The following TPH2 variants were observed in gnomAD, a reference collection of about 807,000 sequenced individuals.
TPH2 encodes the protein tryptophan 5-hydroxylase 2.
Under a neutral mutation model 59.1 loss-of-function variants are expected in TPH2, and 27 were observed. That is an observed-to-expected ratio of 0.46 (90% CI 0.34 to 0.63). The LOEUF is 0.63. Among genes scored for constraint, TPH2 ranks in the 30% least tolerant of loss-of-function variants. The probability of loss-of-function intolerance (pLI) is 0.01; values close to 1 mark genes in which losing one functional copy is unlikely to be tolerated. For synonymous variants in TPH2, 220 were observed against 210.5 expected, an observed-to-expected ratio of 1.05 and a Z score of -0.39; for missense variants, 523 against 588.3, an observed-to-expected ratio of 0.89 and a Z score of 1.15.
In TPH2 at chr12:71,944,276, A is replaced by G. The variant is rs781387649; in HGVS notation, c.256-18A>G. On this transcript the variant is annotated intron_variant, in intron 2 of 10. Transcript: ENST00000333850. ...TATTGTCCCTGAAGGTGATTTTCAGATGCTCGTGTTTCCACAGGAAAAACG... is the reference window on the plus strand; with the variant it reads ...TATTGTCCCTGAAGGTGATTTTCAGGTGCTCGTGTTTCCACAGGAAAAACG... The G allele has an allele frequency of 3.1e-6, 5 of 1,613,456 alleles. No individual in the cohort carries two copies. The highest frequency in any genetic ancestry group is 4.2e-6 in the Non-Finnish European group (5 of 1,179,656).
At chr12:72,029,112 A>G (rs537360873) in intron 9 of TPH2, among the ~76,000 whole-genome samples, 2 of 152,330 alleles carry the variant, frequency 1.3e-5, no homozygotes, top group African/African-American at 4.8e-5. Context: ...CTCTATACAT[A>G]GTGACTGCTA....
chr12:71,975,165 G>A (rs894921807), intron 6 of TPH2, among the ~76,000 whole-genome samples: 7 of 152,094 alleles, frequency 4.6e-5, no homozygotes, highest in African/African-American at 2.4e-5. Flanking sequence ...TGGCCAACAT[G>A]GTGAAACCCT....
intron 8 of TPH2, among the ~76,000 whole-genome samples, chr12:71,997,217 A>ATC (rs1161573158): frequency 6.6e-6 from 1 of 151,700 alleles, no homozygotes; most frequent in African/African-American, 2.4e-5. Context: ...CTGTCATCAC[A>ATC]TCTCTCTCTC....
intron 8 of TPH2, among the ~76,000 whole-genome samples, chr12:72,005,432 G>T (rs762219795): frequency 1.3e-5 from 2 of 152,026 alleles, no homozygotes; most frequent in Non-Finnish European, 2.9e-5. Context: ...AGATAAGGAA[G>T]GAAAATAAAG....
In TPH2 at chr12:71,985,255, C is replaced by T. The variant is rs186539072; in HGVS notation, c.941+6168C>T. The stretch of plus-strand genomic sequence containing the variant: ...CAGGAGTAATGCCAGCACCTGTGGC[C>T]TTAGCCACTACTTTGTTAATCAGTA... On this transcript the variant is annotated intron_variant, in intron 7 of 10. Coordinates refer to ENST00000333850, the MANE Select transcript of TPH2 (RefSeq NM_173353.4). Among the ~76,000 whole-genome samples the T allele has an allele frequency of 8.4e-3, 1,276 of 152,302 alleles. 11 individuals carry two copies. Among genetic ancestry groups the T allele is most frequent in the Non-Finnish European group, 0.013 (899 of 68,016 alleles).
chr12:71,988,622 G>C (rs1445564588), intron 7 of TPH2, among the ~76,000 whole-genome samples: 1 of 152,100 alleles, frequency 6.6e-6, no homozygotes, highest in Non-Finnish European at 1.5e-5. Flanking sequence ...ATCCACCCCC[G>C]TGATCCAGTC....
intron 9 of TPH2, among the ~76,000 whole-genome samples, chr12:72,025,160 C>T (rs1015434905): frequency 6.6e-6 from 1 of 152,030 alleles, no homozygotes; most frequent in African/African-American, 2.4e-5. Context: ...TTATTAATAG[C>T]GTTATCATAA....
At chr12:72,019,650 G>A (rs1873355335) in intron 8 of TPH2, among the ~76,000 whole-genome samples, 1 of 152,118 alleles carries the variant, frequency 6.6e-6, no homozygotes, top group Non-Finnish European at 1.5e-5. Flanking sequence ...GACATTATCT[G>A]GCTATTGATT....
At chr12:72,030,791 A>T (rs1355094837) in intron 9 of TPH2, among the ~76,000 whole-genome samples, 1 of 152,118 alleles carries the variant, frequency 6.6e-6, no homozygotes, top group African/African-American at 2.4e-5. Flanking sequence ...CAATGAATAG[A>T]CAAATAGTTT....
intron 8 of TPH2, among the ~76,000 whole-genome samples, chr12:72,018,980 A>G (rs558371823): frequency 3.7e-4 from 57 of 152,324 alleles, no homozygotes; most frequent in African/African-American, 1.3e-3. Context: ...TCCTTTTGGT[A>G]AAATAGGAGA....
chr12:71,965,709 T>C (rs1172409016), intron 5 of TPH2, among the ~76,000 whole-genome samples: 1 of 152,250 alleles, frequency 6.6e-6, no homozygotes, highest in African/African-American at 2.4e-5. Context: ...TGCTGGATAT[T>C]AGACCTTTGT....
chr12:71,980,042 G>T (rs1229289566), intron 7 of TPH2, among the ~76,000 whole-genome samples: 1 of 152,192 alleles, frequency 6.6e-6, no homozygotes, highest in African/African-American at 2.4e-5. Context: ...GACAAATAGA[G>T]CATGGCAAGG....
At chr12:71,969,075 A>G (rs912090812) in intron 5 of TPH2, among the ~76,000 whole-genome samples, 1 of 152,198 alleles carries the variant, frequency 6.6e-6, no homozygotes, top group African/African-American at 2.4e-5. Context: ...CGAGGTCAGG[A>G]GATCGAGATC....
chr12:71,983,196 A>G (rs1872333132), intron 7 of TPH2, among the ~76,000 whole-genome samples: 1 of 152,146 alleles, frequency 6.6e-6, no homozygotes, highest in African/African-American at 2.4e-5. Context: ...TTGCTTTTCT[A>G]TGCATTAATG....
intron 8 of TPH2, among the ~76,000 whole-genome samples, chr12:72,019,946 T>A (rs1311125582): frequency 6.6e-6 from 1 of 152,218 alleles, no homozygotes; most frequent in East Asian, 1.9e-4. Context: ...TGGATCCCTT[T>A]GTGTGTTTCT....
chr12:71,962,521 A>T, intron 5 of TPH2: 1 of 985,206 alleles, frequency 1.0e-6, no homozygotes, highest in Non-Finnish European at 1.2e-6. Context: ...AATTGTACAT[A>T]GGAATAATTG....
At chr12:72,004,964 G>A (rs1392036483) in intron 8 of TPH2, among the ~76,000 whole-genome samples, 2 of 152,094 alleles carry the variant, frequency 1.3e-5, no homozygotes, top group Admixed American at 6.6e-5. Context: ...TAAGAAACAC[G>A]ACATGAGATT....
chr12:71,972,657 C>T lies in TPH2; in HGVS notation c.747C>T (p.Tyr249=). 6.2e-7 allele frequency: 1 copy of T among 1,614,192 alleles called. No individual in the cohort carries two copies. The highest frequency in any genetic ancestry group is 8.5e-7 in the Non-Finnish European group (1 of 1,180,030). ...AAAACTTCCCTCTGCTGACTAAATA[C>T]TGTGGCTACAGAGAGGACAATGTGC... The part of the protein sequence containing the change: ...YLKNFPLLTK[Y]CGYREDNVPQ... Residue 249 remains tyrosine (Y), a synonymous_variant, in exon 6 of 11, where the codon TAC becomes TAT. Coordinates refer to ENST00000333850, the MANE Select transcript of TPH2 (RefSeq NM_173353.4).
Position 71,938,966 on chromosome 12 carries a change from A to C in TPH2, c.-21A>C, listed in dbSNP as rs200747341. ...CCTCTAGTACCCCCTGCTGCAGAGA[A>C]AGAATATTACACCGGGATCCATGCA... On this transcript the variant is annotated 5_prime_UTR_variant, in exon 1 of 11. Transcript: ENST00000333850. 2 of 1,602,892 alleles carry C rather than the reference A, an allele frequency of 1.2e-6. No individual in the cohort carries two copies. Among genetic ancestry groups the C allele is most frequent in the African/African-American group, 2.7e-5 (2 of 74,788 alleles).
Sources: allele counts gnomAD v4.1 joint callset (sites outside exome capture counted in the v4.1 genomes callset), GRCh38; gene constraint gnomAD v4.1.1; transcripts MANE v1.5; gene names NCBI Gene and HGNC (gene_info 2026-07-23, HGNC 2026-07-21).